Variants in NHERF1 observed in about 807,000 individuals in gnomAD.
NHERF1 encodes the protein NHERF family PDZ scaffold protein 1, also known as Na(+)/H(+) exchange regulatory cofactor NHE-RF1.
chr17:74,750,065 A>G, the NHERF1 span, among the ~76,000 whole-genome samples: 2 of 152,168 alleles, frequency 1.3e-5, no homozygotes, highest in African/African-American at 4.8e-5. Flanking sequence ...AAAGATGGCC[A>G]TGGGGAGGAG....
the NHERF1 span, chr17:74,748,663 T>TCTCTCGGCTC: frequency 5.1e-6 from 3 of 588,918 alleles, no homozygotes; most frequent in South Asian, 6.4e-5. The surrounding 1 kb of genome is among the most constrained non-coding windows in gnomAD (Gnocchi z 4.3). Context: ...TCTGTGGTCC[T>TCTCTCGGCTC]CTCTCGGCTC....
the NHERF1 span, chr17:74,768,419 C>A: frequency 6.9e-6 from 11 of 1,590,846 alleles, no homozygotes; most frequent in African/African-American, 2.7e-5. Context: ...GACCAGGGAG[C>A]CTAATGAGGG....
chr17:74,765,696 C>T, the NHERF1 span, among the ~76,000 whole-genome samples: 43 of 151,968 alleles, frequency 2.8e-4, 1 homozygote, highest in South Asian at 5.8e-3. Flanking sequence ...GGATTACAGG[C>T]GCCTGCCACC....
chr17:74,766,934 A>G, the NHERF1 span: 1 of 1,614,006 alleles, frequency 6.2e-7, no homozygotes, highest in Non-Finnish European at 8.5e-7. Flanking sequence ...TCCTTTGCCT[A>G]GGTCCCCTGC....
chr17:74,751,543 T>G, the NHERF1 span, among the ~76,000 whole-genome samples: 1 of 152,220 alleles, frequency 6.6e-6, no homozygotes, highest in Admixed American at 6.5e-5. The surrounding 1 kb of genome is among the most constrained non-coding windows in gnomAD (Gnocchi z 4.3). Flanking sequence ...CCAGAACCAC[T>G]CAGGGCAGAG....
At chr17:74,767,047 G>GGTT in the NHERF1 span, 3 of 1,462,706 alleles carry the variant, frequency 2.1e-6, 1 homozygote, top group South Asian at 3.4e-5. Flanking sequence ...AAGGTGCTGT[G>GGTT]GTTGGTAGGA....
the NHERF1 span, among the ~76,000 whole-genome samples, chr17:74,754,392 TTTC>T: frequency 4.9e-5 from 7 of 144,138 alleles, no homozygotes; most frequent in Non-Finnish European, 1.1e-4. Flanking sequence ...TCTTTCTTTC[TTTC>T]TTTCTTTTTT....
the NHERF1 span, among the ~76,000 whole-genome samples, chr17:74,760,657 AC>A: frequency 2.0e-5 from 3 of 151,520 alleles, no homozygotes; most frequent in Non-Finnish European, 4.4e-5. The surrounding 1 kb of genome is among the most constrained non-coding windows in gnomAD (Gnocchi z 4.5). Flanking sequence ...TGGCACACAC[AC>A]CCCCACCCCA....
At chr17:74,750,817 C>T in the NHERF1 span, among the ~76,000 whole-genome samples, 4 of 119,710 alleles carry the variant, frequency 3.3e-5, no homozygotes, top group Admixed American at 2.2e-4. Flanking sequence ...CCTCCCTTTG[C>T]CCTTTTGGTT....
chr17:74,758,782 G>C, the NHERF1 span, among the ~76,000 whole-genome samples: 1 of 152,158 alleles, frequency 6.6e-6, no homozygotes, highest in African/African-American at 2.4e-5. The surrounding 1 kb of genome is among the most constrained non-coding windows in gnomAD (Gnocchi z 4.3). Flanking sequence ...CCAGCTTGGC[G>C]GTGAGGGTCC....
chr17:74,759,781 T>C, the NHERF1 span, among the ~76,000 whole-genome samples: 3,463 of 152,230 alleles, frequency 0.023, 133 homozygotes, highest in African/African-American at 0.079. Context: ...CTTGGATCCT[T>C]AAGGAGCACC....
chr17:74,762,061 A>G, the NHERF1 span: 2 of 1,614,002 alleles, frequency 1.2e-6, no homozygotes, highest in Non-Finnish European at 1.7e-6. The surrounding 1 kb of genome is among the most constrained non-coding windows in gnomAD (Gnocchi z 4.2). Context: ...CCCAGTGGCT[A>G]TGGCTTCAAC....
the NHERF1 span, among the ~76,000 whole-genome samples, chr17:74,762,451 C>T: frequency 3.6e-3 from 545 of 152,286 alleles, 2 homozygotes; most frequent in African/African-American, 0.013. The surrounding 1 kb of genome is among the most constrained non-coding windows in gnomAD (Gnocchi z 4.2). Flanking sequence ...ATTCACCCAT[C>T]GATCAGGGAG....
the NHERF1 span, among the ~76,000 whole-genome samples, chr17:74,749,600 G>A: frequency 6.6e-6 from 1 of 152,190 alleles, no homozygotes; most frequent in African/African-American, 2.4e-5. This position sits in a 1 kb window ranked among gnomAD's most constrained non-coding sequence, Gnocchi z 5.6. Context: ...GGGTCTGTGG[G>A]TGTCTGCTCC....
the NHERF1 span, among the ~76,000 whole-genome samples, chr17:74,760,806 G>A: frequency 3.3e-5 from 5 of 152,242 alleles, no homozygotes; most frequent in Non-Finnish European, 7.3e-5. This position sits in a 1 kb window ranked among gnomAD's most constrained non-coding sequence, Gnocchi z 4.5. Context: ...AACCCTGGGA[G>A]GCAGATGGCA....
At chr17:74,751,565 C>T in the NHERF1 span, among the ~76,000 whole-genome samples, 1 of 152,222 alleles carries the variant, frequency 6.6e-6, no homozygotes, top group Non-Finnish European at 1.5e-5. This position sits in a 1 kb window ranked among gnomAD's most constrained non-coding sequence, Gnocchi z 4.3. Flanking sequence ...CTGAGGGGTG[C>T]CTGTAACACT....
chr17:74,769,055 C>T, the NHERF1 span: 2 of 221,288 alleles, frequency 9.0e-6, no homozygotes, highest in Non-Finnish European at 1.8e-5. Context: ...CTGCCGCTCT[C>T]AGTGGACAGG....
At chr17:74,762,163 G>T in the NHERF1 span, 3 of 1,613,876 alleles carry the variant, frequency 1.9e-6, no homozygotes, top group Non-Finnish European at 2.5e-6. The surrounding 1 kb of genome is among the most constrained non-coding windows in gnomAD (Gnocchi z 4.2). Flanking sequence ...GCCCAGGATC[G>T]CATTGTGGAG....
At chr17:74,758,805 G>A in the NHERF1 span, among the ~76,000 whole-genome samples, 1 of 152,156 alleles carries the variant, frequency 6.6e-6, no homozygotes, top group Non-Finnish European at 1.5e-5. The surrounding 1 kb of genome is among the most constrained non-coding windows in gnomAD (Gnocchi z 4.3). Context: ...GAGCAATGGT[G>A]GCTGAGCTCG....
Sources: allele counts gnomAD v4.1 joint callset (sites outside exome capture counted in the v4.1 genomes callset), GRCh38; gene constraint gnomAD v4.1.1; non-coding constraint Gnocchi (gnomAD v3.1); transcripts MANE v1.5; gene names NCBI Gene and HGNC (gene_info 2026-07-23, HGNC 2026-07-21).